Variants in SYT16 observed in about 807,000 individuals in gnomAD.
SYT16 encodes synaptotagmin 16.
Under a neutral mutation model 61.4 loss-of-function variants are expected in SYT16, and 42 were observed. That is an observed-to-expected ratio of 0.68 (90% confidence interval 0.53 to 0.89). The LOEUF (loss-of-function observed/expected upper bound fraction) is 0.89, where lower values mean the gene tolerates loss of function less well. Among genes scored for constraint, SYT16 ranks in the 40% least tolerant of loss-of-function variants. SYT16 has a pLI of 0.00. For missense variants in SYT16, 804 were observed against 807.3 expected (o/e 1.00, Z 0.05); for synonymous variants, 314 against 302.3 (o/e 1.04, Z -0.40).
At chr14:61,842,337 T>G (rs1224361145) in intron 1 of SYT16, among the ~76,000 whole-genome samples, 1 of 152,212 alleles carries the variant, frequency 6.6e-6, no homozygotes, top group African/African-American at 2.4e-5. Context: ...TCTTCTAGCC[T>G]CTGATAGCCA....
In SYT16 at chr14:61,816,839, G is replaced by A. The variant is rs146474293; in HGVS notation, c.-325+4029G>A. On this transcript the variant is annotated intron_variant, in intron 1 of 7. Coordinates refer to ENST00000683842, the MANE Select transcript of SYT16 (RefSeq NM_001367656.1). ...ATCCTGGCTAACATGGTGAAACCCC[G>A]TCTCCACTAAAAATACAAAAAATTA... is the stretch of plus-strand genomic sequence containing the variant. Among the ~76,000 whole-genome samples, 1,266 of 151,440 alleles carry A rather than the reference G, an allele frequency of 8.4e-3. 17 individuals are homozygous for A. Among genetic ancestry groups the A allele is most frequent in the African/African-American group, 0.029 (1,192 of 41,242 alleles).
chr14:62,056,943 G>T (rs1367375037), intron 3 of SYT16, among the ~76,000 whole-genome samples: 1 of 152,204 alleles, frequency 6.6e-6, no homozygotes, highest in Admixed American at 6.5e-5. Context: ...GATGCAGGGA[G>T]GCTCTTCGGG....
At chr14:62,072,385 G>A (rs2056332519) in intron 4 of SYT16, among the ~76,000 whole-genome samples, 1 of 145,180 alleles carries the variant, frequency 6.9e-6, no homozygotes. Context: ...ACATGCAGGG[G>A]TGTGTGTGTG....
At chr14:61,839,870 TG>T (rs1212405995) in intron 1 of SYT16, among the ~76,000 whole-genome samples, 1 of 133,976 alleles carries the variant, frequency 7.5e-6, no homozygotes, top group Non-Finnish European at 1.5e-5. Context: ...GTCATTAATC[TG>T]GGAACATTGT....
chr14:61,937,936 C>A (rs1594956213), intron 1 of SYT16, among the ~76,000 whole-genome samples: 1 of 151,712 alleles, frequency 6.6e-6, no homozygotes, highest in East Asian at 2.0e-4. Context: ...ATATGAGTGT[C>A]CTGCCTTTGA....
intron 1 of SYT16, among the ~76,000 whole-genome samples, chr14:61,819,099 C>A (rs1416052369): frequency 1.3e-5 from 2 of 152,114 alleles, no homozygotes; most frequent in African/African-American, 4.8e-5. Context: ...TCTTGACCAA[C>A]CTGAGTTTCT....
intron 2 of SYT16, among the ~76,000 whole-genome samples, chr14:61,986,238 A>G (rs2052305143): frequency 6.6e-6 from 1 of 152,070 alleles, no homozygotes. Flanking sequence ...CCAGCTAAAC[A>G]ACTTTTTTTA....
chr14:62,025,494 A>C (rs1242388172), intron 3 of SYT16, among the ~76,000 whole-genome samples: 1 of 152,086 alleles, frequency 6.6e-6, no homozygotes, highest in Non-Finnish European at 1.5e-5. Flanking sequence ...ACTTTAGAAA[A>C]CAATCGTTTA....
intron 3 of SYT16, among the ~76,000 whole-genome samples, chr14:62,036,274 G>A (rs1254910): frequency 0.62 from 93,569 of 151,922 alleles, 29,580 homozygotes; most frequent in African/African-American, 0.77. Flanking sequence ...GCATAGAAAC[G>A]TGAGGATCTG....
At chr14:62,056,515 C>G (rs2055563103) in intron 3 of SYT16, among the ~76,000 whole-genome samples, 1 of 152,132 alleles carries the variant, frequency 6.6e-6, no homozygotes, top group Non-Finnish European at 1.5e-5. Flanking sequence ...CGGATGAATC[C>G]CACCTGTATC....
intron 3 of SYT16, among the ~76,000 whole-genome samples, chr14:62,067,526 C>G (rs1566815440): frequency 6.6e-6 from 1 of 152,148 alleles, no homozygotes; most frequent in Non-Finnish European, 1.5e-5. Flanking sequence ...GCTGGTATAT[C>G]AAGGGTGTGG....
At chr14:61,963,029 G>A (rs2140506233) in intron 1 of SYT16, among the ~76,000 whole-genome samples, 1 of 152,194 alleles carries the variant, frequency 6.6e-6, no homozygotes, top group Non-Finnish European at 1.5e-5. Flanking sequence ...AACTGCAATA[G>A]TGTCCATGGA....
At chr14:62,097,591 T>C (rs2057310425) in intron 7 of SYT16, among the ~76,000 whole-genome samples, 1 of 152,218 alleles carries the variant, frequency 6.6e-6, no homozygotes, top group Non-Finnish European at 1.5e-5. Context: ...TTACTGTTAA[T>C]AGATGTTTCC....
At chr14:61,847,963 G>C (rs1415665926) in intron 1 of SYT16, among the ~76,000 whole-genome samples, 1 of 152,136 alleles carries the variant, frequency 6.6e-6, no homozygotes, top group Non-Finnish European at 1.5e-5. Flanking sequence ...AATTCTTCGT[G>C]TTATCTTGAA....
chr14:61,950,491 C>T (rs758571233), intron 1 of SYT16, among the ~76,000 whole-genome samples: 1 of 152,178 alleles, frequency 6.6e-6, no homozygotes, highest in African/African-American at 2.4e-5. Context: ...AGATGGCCTC[C>T]CATGCTTCAG....
In SYT16 at chr14:62,106,791, A is replaced by G. The variant is rs565727322; in HGVS notation, c.*6084A>G. 6.6e-6 allele frequency: 1 copy of G among 152,238 alleles called. No homozygotes were observed. Among genetic ancestry groups the G allele is most frequent in the Admixed American group, 6.5e-5 (1 of 15,286 alleles). The allele number at this position is 152,238 out of a possible 1,614,324, so 9.4% of individuals were successfully genotyped here. On this transcript the variant is annotated 3_prime_UTR_variant, in exon 8 of 8. Coordinates refer to ENST00000683842, the MANE Select transcript of SYT16 (RefSeq NM_001367656.1). ...ACAAAACCATATCCTAGACACACAG[A>G]CAATAATCACCTTATTTATATCCAC...
chr14:62,100,362 A>T (rs1215921077), intron 7 of SYT16, 32 bp from the exon 8 acceptor site: 1 of 1,522,196 alleles, frequency 6.6e-7, no homozygotes, highest in South Asian at 1.3e-5. Context: ...GTTTCTTATC[A>T]TCCCCACCCC....
intron 1 of SYT16, among the ~76,000 whole-genome samples, chr14:61,934,117 A>G (rs1034021254): frequency 1.1e-4 from 16 of 152,204 alleles, no homozygotes; most frequent in Non-Finnish European, 2.1e-4. Context: ...CAACCAGCTT[A>G]TGAGATATTT....
chr14:62,039,497 C>T (rs1360231195), intron 3 of SYT16, among the ~76,000 whole-genome samples: 1 of 151,996 alleles, frequency 6.6e-6, no homozygotes, highest in Non-Finnish European at 1.5e-5. Flanking sequence ...CAAGGACATG[C>T]AACCTGAAGA....
Sources: allele counts gnomAD v4.1 joint callset (sites outside exome capture counted in the v4.1 genomes callset), GRCh38; gene constraint gnomAD v4.1.1; transcripts MANE v1.5; gene names NCBI Gene and HGNC (gene_info 2026-07-23, HGNC 2026-07-21).